The following CDH13 variants were observed in gnomAD, a reference collection of about 807,000 sequenced individuals.
CDH13 encodes the protein cadherin-13.
Under a neutral mutation model 63.8 loss-of-function variants are expected in CDH13, and 24 were observed. That is an observed-to-expected ratio of 0.38 (90% CI 0.27 to 0.53). CDH13 has a LOEUF of 0.53. CDH13 is among the 20% of genes least tolerant of loss of function. The pLI, the probability that CDH13 is intolerant of heterozygous loss-of-function variation, is 0.85. For missense variants in CDH13, 1,049 were observed against 903.1 expected, an observed-to-expected ratio of 1.16 and a Z score of -2.07; for synonymous variants, 503 against 355.3, an observed-to-expected ratio of 1.42 and a Z score of -4.67.
chr16:83,674,302 C>T (rs544198212), intron 9 of CDH13, among the ~76,000 whole-genome samples: 9 of 152,308 alleles, frequency 5.9e-5, no homozygotes, highest in African/African-American at 2.2e-4. Flanking sequence ...TGACATTTTC[C>T]TCTTGGACAT....
chr16:83,165,365 G>C (rs912558744), intron 4 of CDH13, among the ~76,000 whole-genome samples: 2 of 151,810 alleles, frequency 1.3e-5, no homozygotes, highest in East Asian at 1.9e-4. Flanking sequence ...TCTAAGATTT[G>C]TTGTAGCAAG....
intron 6 of CDH13, among the ~76,000 whole-genome samples, chr16:83,485,776 C>T (rs199813173): frequency 6.6e-6 from 1 of 152,130 alleles, no homozygotes; most frequent in Non-Finnish European, 1.5e-5. Flanking sequence ...CCTGCACACC[C>T]AGGAGCATGC....
At chr16:83,778,593 A>G (rs1056797134) in intron 11 of CDH13, among the ~76,000 whole-genome samples, 2 of 152,134 alleles carry the variant, frequency 1.3e-5, no homozygotes, top group East Asian at 1.9e-4. Flanking sequence ...TTAAAATAGT[A>G]TTTCCTAAAA....
At chr16:83,572,481 C>T (rs183016371) in intron 7 of CDH13, among the ~76,000 whole-genome samples, 3 of 152,298 alleles carry the variant, frequency 2.0e-5, no homozygotes, top group African/African-American at 7.2e-5. Flanking sequence ...TCCTCTGCTA[C>T]TCTCCCTCCT....
chr16:83,159,376 T>C (rs1286264418), intron 4 of CDH13, among the ~76,000 whole-genome samples: 2 of 152,236 alleles, frequency 1.3e-5, no homozygotes, highest in Non-Finnish European at 2.9e-5. Context: ...AGTTTTATTT[T>C]AGTCAAATCA....
intron 2 of CDH13, among the ~76,000 whole-genome samples, chr16:82,974,613 G>A (rs1194302323): frequency 1.3e-5 from 2 of 152,064 alleles, no homozygotes; most frequent in African/African-American, 2.4e-5. Flanking sequence ...GAGATTGAGA[G>A]ATCATGTTGG....
chr16:83,595,382 G>T (rs1294222436), intron 7 of CDH13, among the ~76,000 whole-genome samples: 2 of 152,226 alleles, frequency 1.3e-5, no homozygotes. Context: ...GCTAGGTGTT[G>T]CAGCCAAAGG....
chr16:82,727,099 T>C (rs904020343), intron 1 of CDH13, among the ~76,000 whole-genome samples: 32 of 152,080 alleles, frequency 2.1e-4, no homozygotes, highest in African/African-American at 7.2e-4. Flanking sequence ...GCGGCGGCGG[T>C]GGTGGGGTTA....
intron 10 of CDH13, among the ~76,000 whole-genome samples, chr16:83,738,505 G>A (rs1310569827): frequency 6.6e-6 from 1 of 152,172 alleles, no homozygotes; most frequent in African/African-American, 2.4e-5. Context: ...GCATTTCCTT[G>A]GGTAAATGCG....
At chr16:82,952,256 C>G (rs1372617899) in intron 2 of CDH13, among the ~76,000 whole-genome samples, 1 of 152,162 alleles carries the variant, frequency 6.6e-6, no homozygotes, top group Non-Finnish European at 1.5e-5. Flanking sequence ...CTGTCATGTA[C>G]CATCTGAGCG....
intron 5 of CDH13, among the ~76,000 whole-genome samples, chr16:83,334,467 G>T (rs1372586094): frequency 2.0e-5 from 3 of 151,326 alleles, no homozygotes; most frequent in Non-Finnish European, 4.4e-5. Flanking sequence ...AACCTTCCGG[G>T]CTCAAGTGAT....
Position 82,627,089 on chromosome 16 carries a change from C to A in CDH13, c.-4C>A, listed in dbSNP as rs781703209. On this transcript the variant is annotated 5_prime_UTR_variant, in exon 1 of 14. Coordinates refer to ENST00000567109, the MANE Select transcript of CDH13 (RefSeq NM_001257.5). ...ACGCCGCCGGGCGCTTCTAGTCGGA[C>A]AAAATGCAGCCGAGAACTCCGCTCG... 1.9e-6 allele frequency: 3 copies of A among 1,600,966 alleles called. No homozygotes were observed. Among genetic ancestry groups the A allele is most frequent in the African/African-American group, 1.3e-5 (1 of 74,656 alleles).
At chr16:83,421,401 A>C (rs2071709669) in intron 6 of CDH13, among the ~76,000 whole-genome samples, 1 of 152,234 alleles carries the variant, frequency 6.6e-6, no homozygotes, top group Admixed American at 6.5e-5. Flanking sequence ...GCAGCTCATC[A>C]TAATATTATG....
chr16:83,197,157 A>G (rs1426733526), intron 4 of CDH13, among the ~76,000 whole-genome samples: 1 of 152,182 alleles, frequency 6.6e-6, no homozygotes, highest in Non-Finnish European at 1.5e-5. Flanking sequence ...TCTCCAGGGA[A>G]TTATGCTGAA....
At chr16:83,318,109 A>C (rs1041777005) in intron 5 of CDH13, among the ~76,000 whole-genome samples, 1 of 152,196 alleles carries the variant, frequency 6.6e-6, no homozygotes, top group African/African-American at 2.4e-5. Context: ...AGAAAGATTG[A>C]AAAGATCCAG....
intron 3 of CDH13, among the ~76,000 whole-genome samples, chr16:83,123,784 T>G (rs2035692028): frequency 6.6e-6 from 1 of 152,200 alleles, no homozygotes; most frequent in Admixed American, 6.5e-5. Flanking sequence ...ATCATCATAC[T>G]GTTTTTCATA....
intron 4 of CDH13, among the ~76,000 whole-genome samples, chr16:83,178,444 G>A (rs900568596): frequency 6.6e-6 from 1 of 152,120 alleles, no homozygotes; most frequent in Non-Finnish European, 1.5e-5. Context: ...CATAATTTCT[G>A]AACATGTGAA....
chr16:83,000,966 C>T (rs1346931632), intron 2 of CDH13, among the ~76,000 whole-genome samples: 3 of 152,214 alleles, frequency 2.0e-5, no homozygotes, highest in Non-Finnish European at 2.9e-5. Context: ...CAGCGCTTTT[C>T]ACTCTCAGCT....
chr16:83,356,119 T>G (rs2091048872), intron 6 of CDH13, among the ~76,000 whole-genome samples: 1 of 152,158 alleles, frequency 6.6e-6, no homozygotes, highest in African/African-American at 2.4e-5. Context: ...TTTAACTATT[T>G]CACCCGTGAT....
Sources: allele counts gnomAD v4.1 joint callset (sites outside exome capture counted in the v4.1 genomes callset), GRCh38; gene constraint gnomAD v4.1.1; transcripts MANE v1.5; gene names NCBI Gene and HGNC (gene_info 2026-07-23, HGNC 2026-07-21).